The following MRPL33 variants were observed in gnomAD, a reference collection of about 807,000 sequenced individuals.
The protein encoded by MRPL33 is mitochondrial ribosomal protein L33, also known as large ribosomal subunit protein bL33m.
A neutral mutation model predicts 10.1 loss-of-function variants in MRPL33; 5 were observed. The ratio of observed to expected loss-of-function variants is 0.49; its 90% CI spans 0.26 to 1.04. The LOEUF (loss-of-function observed/expected upper bound fraction) is 1.04, where lower values mean the gene tolerates loss of function less well. Among genes scored for constraint, MRPL33 ranks in the 50% least tolerant of loss-of-function variants. MRPL33 has a pLI of 0.14. For missense variants in MRPL33, 79 were observed against 78.1 expected (o/e 1.01, Z -0.04); for synonymous variants, 24 against 27.7 (o/e 0.87, Z 0.42).
rs1211731797 is a variant in MRPL33 at position 27,779,642 on chromosome 2, G to GA, written c.*163dup. 1 of 1,439,100 alleles carries GA rather than the reference G, an allele frequency of 6.9e-7. No individual in the cohort carries two copies. The highest frequency in any genetic ancestry group is 9.4e-7 in the Non-Finnish European group (1 of 1,067,946). 89.1% of individuals were successfully genotyped at this position (1,439,100 alleles called of 1,614,324 possible). A position where few individuals can be genotyped will look rare whatever the true frequency, so the allele number is the denominator to read the frequency against. On this transcript the variant is annotated 3_prime_UTR_variant, in exon 4 of 4. Coordinates refer to ENST00000296102, the MANE Select transcript of MRPL33 (RefSeq NM_004891.4). ...TGTGAAGGAAAACAATGCAGTGAAA[G>GA]AAAGTTCTTCATATTAGGACAGATA... is the stretch of plus-strand genomic sequence containing the variant.
At chr2:27,774,685 G>C (rs958238736) in intron 3 of MRPL33, among the ~76,000 whole-genome samples, 155 bp downstream of exon 3, 2 of 152,154 alleles carry the variant, frequency 1.3e-5, no homozygotes, top group African/African-American at 4.8e-5. Flanking sequence ...TAACATCCCA[G>C]GTGCTGGGAT....
In MRPL33 at chr2:27,771,761, G is replaced by T. The variant is rs768188989; in HGVS notation, c.-17G>T. The T allele has an allele frequency of 5.6e-6, 9 of 1,614,054 alleles. No individual in the cohort carries two copies. Among genetic ancestry groups the T allele is most frequent in the African/African-American group, 4.0e-5 (3 of 74,958 alleles). ...GGCCTTTTGGCCGGTGACGGAGACT[G>T]CCCAGGTGTGGTCACCATGTTCCTC... On this transcript the variant is annotated 5_prime_UTR_variant, in exon 1 of 4. Transcript: ENST00000296102.
rs995196773 is a variant in MRPL33 at position 27,779,002 on chromosome 2, T to C, written c.149-431T>C. Among the ~76,000 whole-genome samples the C allele has an allele frequency of 3.3e-5, 5 of 152,214 alleles. No individual in the cohort carries two copies. The South Asian group carries it at 6.2e-4, about 19-fold the overall frequency. ...GGTGTATTAACCCATCTCTGGGAAG[T>C]AGAGGTTTAGTGTCTATTACTCTTC... On this transcript the variant is annotated intron_variant, in intron 3 of 3. Coordinates refer to ENST00000296102, the MANE Select transcript of MRPL33 (RefSeq NM_004891.4).
At chr2:27,774,355 C>A in intron 2 of MRPL33, 69 bp from the exon 3 acceptor site, 1 of 1,251,960 alleles carries the variant, frequency 8.0e-7, no homozygotes, top group Non-Finnish European at 1.2e-6. Context: ...TCAAAATGTG[C>A]CATCCCCCTG....
At chr2:27,774,019 C>G (rs1412331255) in intron 2 of MRPL33, among the ~76,000 whole-genome samples, 1 of 152,278 alleles carries the variant, frequency 6.6e-6, no homozygotes. Context: ...TGAATATAAT[C>G]ATTTATGCCC....
chr2:27,772,157 C>T (rs754641742), intron 1 of MRPL33: 154 of 317,518 alleles, frequency 4.9e-4, no homozygotes, highest in South Asian at 7.2e-4. Flanking sequence ...GAAACCGCTC[C>T]CGAGAGGGGC....
chr2:27,779,470 AC>A lies in MRPL33; in HGVS notation c.187del (p.Arg63AlafsTer14), dbSNP rs1420566134. On this transcript the variant is annotated frameshift_variant, in exon 4 of 4. Transcript: ENST00000296102. LOFTEE classifies it high-confidence loss of function. The stretch of plus-strand genomic sequence containing the variant: ...TCCTCTTCGTGGAAAAGAAAAAAAT[AC>A]GCTCCCTTTAAACGGTGGATTGAAA... ...RVLFVEKKKI[R>X]SL The A allele has an allele frequency of 7.4e-6, 12 of 1,612,312 alleles. No homozygotes were observed. Among genetic ancestry groups the A allele is most frequent in the Non-Finnish European group, 1.0e-5 (12 of 1,179,550 alleles).
rs372962198 is a variant in MRPL33, at chr2:27,774,028, C to G, written c.42-396C>G. Among the ~76,000 whole-genome samples, 5 of 152,100 alleles carry G rather than the reference C, an allele frequency of 3.3e-5. No individual in the cohort carries two copies. The East Asian group carries it at 7.7e-4, about 23-fold the overall frequency. ...CCTTCCTGAATATAATCATTTATGC[C>G]CTGGAAGAGAGGGCTGTTCTGAGAC... is the stretch of plus-strand genomic sequence containing the variant. On this transcript the variant is annotated intron_variant, in intron 2 of 3. Transcript: ENST00000296102.
Position 27,771,774 on chromosome 2 carries a change from C to G in MRPL33, c.-4C>G, listed in dbSNP as rs1677051226. ...GTGACGGAGACTGCCCAGGTGTGGT[C>G]ACCATGTTCCTCTCCGCGGTCTTCT... On this transcript the variant is annotated 5_prime_UTR_variant, in exon 1 of 4. Transcript: ENST00000296102. 1 of 1,614,124 alleles carries G rather than the reference C, an allele frequency of 6.2e-7. No individual in the cohort carries two copies.
At chr2:27,775,613 A>G (rs1335112935) in intron 3 of MRPL33, among the ~76,000 whole-genome samples, 1 of 152,108 alleles carries the variant, frequency 6.6e-6, no homozygotes, top group Non-Finnish European at 1.5e-5. Context: ...CAGCCTCCCA[A>G]AGTGCTGGGA....
intron 1 of MRPL33, chr2:27,772,107 C>G: frequency 2.5e-6 from 1 of 402,850 alleles, no homozygotes; most frequent in East Asian, 3.8e-5. Flanking sequence ...CGAAGGACCT[C>G]AGAATTTGCA....
chr2:27,774,570 C>G (rs755998227), intron 3 of MRPL33, 40 bp downstream of exon 3: 48 of 1,525,670 alleles, frequency 3.1e-5, no homozygotes, highest in Non-Finnish European at 4.3e-5. Flanking sequence ...GGCCTGTTGC[C>G]CCCTTTGTAG....
chr2:27,777,959 A>G (rs1283011235), intron 3 of MRPL33, among the ~76,000 whole-genome samples: 1 of 152,138 alleles, frequency 6.6e-6, no homozygotes, highest in East Asian at 1.9e-4. Context: ...CTTTACTACC[A>G]TCTTGTAATG....
In MRPL33 at chr2:27,777,099, C is replaced by T. The variant is rs373295051; in HGVS notation, c.149-2334C>T. 7.4e-4 allele frequency among the ~76,000 whole-genome samples: 113 copies of T among 152,294 alleles called. 1 individual carries two copies. Among genetic ancestry groups the T allele is most frequent in the African/African-American group, 2.5e-3 (105 of 41,542 alleles). On this transcript the variant is annotated intron_variant, in intron 3 of 3. Transcript: ENST00000296102. ...GGGTCTGTGTTGTGCAGACTGGTCT[C>T]GAACTCCTGAGCTCAAGCAGTCCGC...
chr2:27,774,223 G>T (rs1677104735), intron 2 of MRPL33, among the ~76,000 whole-genome samples: 1 of 152,214 alleles, frequency 6.6e-6, no homozygotes, highest in South Asian at 2.1e-4. Context: ...ACTCTGTGTA[G>T]TGGAGCAAAT....
In MRPL33 at chr2:27,772,710, CT is replaced by C. The variant is rs776429013; in HGVS notation, c.41+24del. 1.3e-6 allele frequency: 2 copies of C among 1,588,132 alleles called. No homozygotes were observed. The highest frequency in any genetic ancestry group is 1.7e-5 in the Admixed American group (1 of 58,452). On this transcript the variant is annotated intron_variant, in intron 2 of 3. Transcript: ENST00000296102. ...AAGTCAAAGTAAGTAAAGATTTTTC[CT>C]TTTTTAAACGTCACTTGTTTATGTT... is the stretch of plus-strand genomic sequence containing the variant.
Position 27,772,075 on chromosome 2 carries a change from C to G in MRPL33, c.22+276C>G, listed in dbSNP as rs1465879003. ...TGGCTGTGGGGCGTTTTTCTCCAGC[C>G]CGTGTTAGGAGAATCTTTGTCCGAA... is the stretch of plus-strand genomic sequence containing the variant. On this transcript the variant is annotated intron_variant, in intron 1 of 3. Coordinates refer to ENST00000296102, the MANE Select transcript of MRPL33 (RefSeq NM_004891.4). The G allele has an allele frequency of 2.0e-5, 9 of 445,588 alleles. No individual in the cohort carries two copies. In the East Asian group the frequency reaches 3.2e-4, roughly 16 times the overall value. The allele number at this position is 445,588 out of a possible 1,614,324, so 27.6% of individuals were successfully genotyped here. A position where few individuals can be genotyped will look rare whatever the true frequency, so the allele number is the denominator to read the frequency against.
intron 1 of MRPL33, chr2:27,772,176 G>A (rs1677062417): frequency 6.8e-6 from 2 of 294,970 alleles, no homozygotes; most frequent in South Asian, 1.6e-4. Context: ...GCAATGAATT[G>A]CCTGAGTAAT....
chr2:27,774,927 G>A (rs1429855398), intron 3 of MRPL33, among the ~76,000 whole-genome samples: 2 of 152,190 alleles, frequency 1.3e-5, no homozygotes, highest in Non-Finnish European at 2.9e-5. Flanking sequence ...TATGTAAAGA[G>A]AATAGGTGGT....
Sources: allele counts gnomAD v4.1 joint callset (sites outside exome capture counted in the v4.1 genomes callset), GRCh38; gene constraint gnomAD v4.1.1; transcripts MANE v1.5; gene names NCBI Gene and HGNC (gene_info 2026-07-23, HGNC 2026-07-21).